The following GPC5 variants were observed in gnomAD, a reference collection of about 807,000 sequenced individuals.
GPC5 encodes glypican-5.
A neutral mutation model predicts 53.9 loss-of-function variants in GPC5; 47 were observed. The observed-to-expected ratio is 0.87, with a 90% CI of 0.69 to 1.11. The LOEUF is 1.11. GPC5 is among the 50% of genes most tolerant of loss of function. The pLI, the probability that GPC5 is intolerant of heterozygous loss-of-function variation, is 0.00. For missense variants in GPC5, 748 were observed against 713.1 expected, an observed-to-expected ratio of 1.05 and a Z score of -0.56; for synonymous variants, 286 against 263.3, an observed-to-expected ratio of 1.09 and a Z score of -0.84.
chr13:92,157,603 A>C (rs1040920697), intron 7 of GPC5, among the ~76,000 whole-genome samples: 3 of 152,226 alleles, frequency 2.0e-5, no homozygotes, highest in Non-Finnish European at 4.4e-5. Context: ...AAATGTTCTA[A>C]AGTAAGTGCA....
intron 5 of GPC5, among the ~76,000 whole-genome samples, chr13:91,759,689 T>G (rs980827590): frequency 6.6e-6 from 1 of 151,086 alleles, no homozygotes; most frequent in African/African-American, 2.4e-5. Flanking sequence ...ATCCCCTTGA[T>G]GTAAATTTAG....
At chr13:91,582,786 G>A (rs1955207588) in intron 2 of GPC5, among the ~76,000 whole-genome samples, 1 of 152,176 alleles carries the variant, frequency 6.6e-6, no homozygotes, top group Non-Finnish European at 1.5e-5. Flanking sequence ...TCTGAGGCGG[G>A]CAGATAACTT....
intron 7 of GPC5, among the ~76,000 whole-genome samples, chr13:92,209,657 T>A (rs1430560671): frequency 6.6e-6 from 1 of 152,030 alleles, no homozygotes; most frequent in Non-Finnish European, 1.5e-5. Flanking sequence ...AACATGTGTG[T>A]GAGAATACTG....
chr13:91,812,489 T>C (rs2038328782), intron 5 of GPC5, among the ~76,000 whole-genome samples: 1 of 152,228 alleles, frequency 6.6e-6, no homozygotes, highest in Non-Finnish European at 1.5e-5. Flanking sequence ...ACATGTGTTG[T>C]TGCTCATGGT....
At chr13:91,647,332 G>T (rs1377580671) in intron 2 of GPC5, among the ~76,000 whole-genome samples, 1 of 152,128 alleles carries the variant, frequency 6.6e-6, no homozygotes, top group Non-Finnish European at 1.5e-5. Flanking sequence ...GCTTGACCCT[G>T]TTATTAAACC....
chr13:92,640,321 G>A (rs1885552348), intron 7 of GPC5, among the ~76,000 whole-genome samples: 1 of 151,928 alleles, frequency 6.6e-6, no homozygotes, highest in Non-Finnish European at 1.5e-5. Context: ...GTGTAGTGGC[G>A]CGATCTCGGC....
intron 7 of GPC5, among the ~76,000 whole-genome samples, chr13:92,506,203 A>T (rs142192340): frequency 6.6e-6 from 1 of 152,198 alleles, no homozygotes; most frequent in Non-Finnish European, 1.5e-5. Context: ...GATGAGCTGC[A>T]TGAAAATGCA....
At chr13:91,670,057 TC>T (rs2035209226) in intron 2 of GPC5, among the ~76,000 whole-genome samples, 1 of 152,166 alleles carries the variant, frequency 6.6e-6, no homozygotes, top group South Asian at 2.1e-4. Flanking sequence ...AGAATGGCCT[TC>T]CGTGGAGAAC....
chr13:91,967,449 A>G (rs185452199), intron 6 of GPC5, among the ~76,000 whole-genome samples: 1 of 152,286 alleles, frequency 6.6e-6, no homozygotes, highest in Admixed American at 6.5e-5. Flanking sequence ...AACTGTAAAA[A>G]TCATTAGAAT....
Position 91,403,775 on chromosome 13 carries a change from A to G in GPC5, c.163+4566A>G, listed in dbSNP as rs116066437. Among the ~76,000 whole-genome samples the G allele has an allele frequency of 3.8e-3, 579 of 152,276 alleles. 8 individuals are homozygous for G. The highest frequency in any genetic ancestry group is 0.013 in the African/African-American group (545 of 41,558). On this transcript the variant is annotated intron_variant, in intron 1 of 7. Coordinates refer to ENST00000377067, the MANE Select transcript of GPC5 (RefSeq NM_004466.6). ...TTTCTCTAGGCCTTTAGTGCATCTT[A>G]ATGGTGGAGAAGTGAGTTTGATTTT...
chr13:92,324,376 G>A (rs998623622), intron 7 of GPC5, among the ~76,000 whole-genome samples: 7 of 151,936 alleles, frequency 4.6e-5, no homozygotes, highest in South Asian at 4.1e-4. Flanking sequence ...TTAAACATAG[G>A]ACAAAATGAC....
chr13:92,728,385 C>A (rs982244083), intron 7 of GPC5, among the ~76,000 whole-genome samples: 1 of 151,306 alleles, frequency 6.6e-6, no homozygotes, highest in Non-Finnish European at 1.5e-5. Flanking sequence ...TAGGGATAGA[C>A]AAAGAAATTG....
intron 7 of GPC5, among the ~76,000 whole-genome samples, chr13:92,607,433 A>G (rs1222097384): frequency 5.3e-5 from 8 of 152,126 alleles, no homozygotes; most frequent in East Asian, 1.9e-4. Flanking sequence ...CATATTGCCT[A>G]TATTCTAGTC....
At chr13:91,502,910 T>A (rs1048554416) in intron 2 of GPC5, among the ~76,000 whole-genome samples, 8 of 152,230 alleles carry the variant, frequency 5.3e-5, no homozygotes, top group African/African-American at 1.9e-4. Flanking sequence ...AAGGCTCATA[T>A]ACTTATGCTC....
At chr13:91,585,726 T>G (rs535331416) in intron 2 of GPC5, among the ~76,000 whole-genome samples, 1 of 152,274 alleles carries the variant, frequency 6.6e-6, no homozygotes, top group Admixed American at 6.5e-5. Context: ...TGTCCACTGC[T>G]TATGTGTGTT....
chr13:91,835,740 G>A (rs1170611217), intron 5 of GPC5, among the ~76,000 whole-genome samples: 1 of 151,936 alleles, frequency 6.6e-6, no homozygotes, highest in Non-Finnish European at 1.5e-5. Flanking sequence ...GTCGGGGGTT[G>A]GGGGGTGAGG....
intron 7 of GPC5, among the ~76,000 whole-genome samples, chr13:92,433,659 A>C (rs1316588989): frequency 6.6e-6 from 1 of 152,294 alleles, no homozygotes; most frequent in South Asian, 2.1e-4. Flanking sequence ...CAGGCACAGT[A>C]GTAGAGAAAT....
intron 2 of GPC5, among the ~76,000 whole-genome samples, chr13:91,532,994 A>G (rs375483561): frequency 2.0e-5 from 3 of 152,338 alleles, no homozygotes; most frequent in South Asian, 2.1e-4. Context: ...TAAATTACCA[A>G]TGGAGAAAGG....
intron 6 of GPC5, among the ~76,000 whole-genome samples, chr13:91,923,264 C>G (rs761292312): frequency 6.6e-6 from 1 of 152,132 alleles, no homozygotes; most frequent in Non-Finnish European, 1.5e-5. Flanking sequence ...AATAAATGTA[C>G]TCTGTAATCA....
Sources: gnomAD v4.1 joint callset for allele counts (sites outside exome capture counted in the v4.1 genomes callset) on GRCh38, gnomAD v4.1.1 for gene constraint, MANE v1.5 for transcripts, NCBI Gene and HGNC (gene_info 2026-07-23, HGNC 2026-07-21) for gene names.